Variants in LDLRAP1 observed in about 807,000 individuals in gnomAD.
LDLRAP1 encodes low density lipoprotein receptor adaptor protein 1.
Under a neutral mutation model 37.8 loss-of-function variants are expected in LDLRAP1, and 30 were observed. The ratio of observed to expected loss-of-function variants is 0.79; its 90% CI spans 0.59 to 1.08. The LOEUF (loss-of-function observed/expected upper bound fraction) is 1.08. LDLRAP1 is among the 50% of genes least tolerant of loss of function. The pLI is 0.00. For missense variants in LDLRAP1, 375 were observed against 401.6 expected, an observed-to-expected ratio of 0.93 and a Z score of 0.57; for synonymous variants, 156 against 169.8, an observed-to-expected ratio of 0.92 and a Z score of 0.63.
intron 1 of LDLRAP1, among the ~76,000 whole-genome samples, chr1:25,549,689 C>A (rs1191916812): frequency 6.6e-6 from 1 of 152,222 alleles, no homozygotes; most frequent in East Asian, 1.9e-4. Flanking sequence ...TCTGGGAGCA[C>A]CTCCTGAAGC....
chr1:25,553,008 T>C (rs951493434), intron 1 of LDLRAP1, among the ~76,000 whole-genome samples: 1 of 152,146 alleles, frequency 6.6e-6, no homozygotes, highest in Non-Finnish European at 1.5e-5. Flanking sequence ...TCGAACCTTC[T>C]CCGATTTGGG....
At chr1:25,573,658 C>G (rs1419160615), downstream of LDLRAP1, among the ~76,000 whole-genome samples, 1 of 152,202 alleles carries the variant, frequency 6.6e-6, no homozygotes, top group African/African-American at 2.4e-5. Flanking sequence ...GAAAACCTGG[C>G]TGCCACACCT....
At chr1:25,557,345 T>C in intron 4 of LDLRAP1, 78 bp downstream of exon 4, 1 of 1,146,500 alleles carries the variant, frequency 8.7e-7, no homozygotes, top group Non-Finnish European at 1.3e-6. Context: ...CTGTCTGGTG[T>C]GGGAGGCAGG....
At chr1:25,586,423 C>T in the LDLRAP1 span, among the ~76,000 whole-genome samples, 2 of 152,272 alleles carry the variant, frequency 1.3e-5, no homozygotes, top group South Asian at 2.1e-4. This position sits in a 1 kb window ranked among gnomAD's most constrained non-coding sequence, Gnocchi z 4.3. Flanking sequence ...CAGACACCAG[C>T]GTCCATCAGG....
intron 1 of LDLRAP1, among the ~76,000 whole-genome samples, chr1:25,551,378 TA>T (rs1276463176): frequency 1.3e-5 from 2 of 152,200 alleles, no homozygotes; most frequent in East Asian, 3.8e-4. Context: ...GATAAAGTAG[TA>T]TGGTCTCATG....
intron 4 of LDLRAP1, 110 bp downstream of exon 4, chr1:25,557,377 A>G: frequency 1.2e-6 from 1 of 829,074 alleles, no homozygotes; most frequent in Non-Finnish European, 2.0e-6. Flanking sequence ...ACCATTACTT[A>G]AGAAGAGGGT....
chr1:25,550,610 A>G (rs1481562530), intron 1 of LDLRAP1, among the ~76,000 whole-genome samples: 2 of 152,312 alleles, frequency 1.3e-5, no homozygotes, highest in South Asian at 4.1e-4. Flanking sequence ...ATTCCCTCAC[A>G]GTCACTGGTC....
intron 4 of LDLRAP1, among the ~76,000 whole-genome samples, chr1:25,559,056 G>A (rs1016172776): frequency 6.6e-6 from 1 of 152,200 alleles, no homozygotes; most frequent in African/African-American, 2.4e-5. Flanking sequence ...TGAACACCTT[G>A]TTTCTTTCCT....
chr1:25,566,141 T>G (rs909384379), intron 8 of LDLRAP1, among the ~76,000 whole-genome samples: 47 of 152,198 alleles, frequency 3.1e-4, no homozygotes, highest in Non-Finnish European at 5.9e-4. Context: ...ATTAACAATT[T>G]TGAAAATCAG....
At chr1:25,550,895 C>G (rs553042295) in intron 1 of LDLRAP1, among the ~76,000 whole-genome samples, 1 of 152,068 alleles carries the variant, frequency 6.6e-6, no homozygotes, top group Admixed American at 6.5e-5. Context: ...GCAGAGAGAT[C>G]ACCAGTGACC....
At chr1:25,575,868 T>G in the LDLRAP1 span, among the ~76,000 whole-genome samples, 1 of 152,178 alleles carries the variant, frequency 6.6e-6, no homozygotes, top group Non-Finnish European at 1.5e-5. Context: ...ATGGCATGAC[T>G]TGCCCATGGT....
Position 25,553,452 on chromosome 1 carries a change from T to A in LDLRAP1, c.89-470T>A, listed in dbSNP as rs2044122839. The A allele has an allele frequency of 1.2e-5, 2 of 167,390 alleles. 1 individual carries two copies. The highest frequency in any genetic ancestry group is 2.9e-4 in the South Asian group (2 of 6,798). The allele number at this position is 167,390 out of a possible 1,614,324, so 10.4% of individuals were successfully genotyped here. ...GTCTTTGTCTGTCAATGGGTTTGATTAAAGCGTTGACCTCATAGGTTCTTA... is the reference window on the plus strand; with the variant it reads ...GTCTTTGTCTGTCAATGGGTTTGATAAAAGCGTTGACCTCATAGGTTCTTA... On this transcript the variant is annotated intron_variant, in intron 1 of 8. Transcript: ENST00000374338.
At position 25,562,664 on chromosome 1, in the gene LDLRAP1, C is replaced by T. The variant is rs1057515463; in HGVS notation, c.480C>T (p.Thr160=). ...TTCAGGCACAGGCTGTTACCCTCAC[C>T]GTAGCCCAGGCCTTCAAAGTCGCCT... is the stretch of plus-strand genomic sequence containing the variant. ...KRKMAQAVTL[T]VAQAFKVAFE... is the part of the protein sequence containing the mutation. The change falls in exon 5 of 9, where the codon ACC becomes ACT. Residue 160 remains threonine, a synonymous_variant. Coordinates refer to ENST00000374338, the MANE Select transcript of LDLRAP1 (RefSeq NM_015627.3). 1.2e-5 allele frequency: 19 copies of T among 1,614,058 alleles called. No homozygotes were observed. The East Asian group carries it at 2.2e-4, about 19-fold the overall frequency.
At chr1:25,551,004 GA>G (rs1197840441) in intron 1 of LDLRAP1, among the ~76,000 whole-genome samples, 5 of 152,164 alleles carry the variant, frequency 3.3e-5, no homozygotes, top group Non-Finnish European at 7.3e-5. Flanking sequence ...ATGGGGACAT[GA>G]AAATGGGGGC....
At chr1:25,547,689 G>A (rs1013581283) in intron 1 of LDLRAP1, among the ~76,000 whole-genome samples, 20 of 152,022 alleles carry the variant, frequency 1.3e-4, no homozygotes, top group East Asian at 1.9e-4. Flanking sequence ...CCCAGTCTGC[G>A]CCAGCCTCAG....
Position 25,567,498 on chromosome 1 carries a change from C to A in LDLRAP1, c.*506C>A. 3.9e-6 allele frequency: 1 copy of A among 255,272 alleles called. No individual in the cohort carries two copies. The highest frequency in any genetic ancestry group is 4.1e-5 in the South Asian group (1 of 24,392). 15.8% of individuals were successfully genotyped at this position (255,272 alleles called of 1,614,324 possible). On this transcript the variant is annotated 3_prime_UTR_variant, in exon 9 of 9. Transcript: ENST00000374338. ...CAGCCGCAGAAGGGGAATGTGTCCT[C>A]CTGCTCTGCTTCCTCAGGGCCCAGC...
chr1:25,562,232 A>G (rs2044359050), intron 4 of LDLRAP1, among the ~76,000 whole-genome samples: 1 of 152,178 alleles, frequency 6.6e-6, no homozygotes, highest in Non-Finnish European at 1.5e-5. Context: ...CTCCAATTCC[A>G]AGGGCTAAGT....
rs138988912 is a variant in LDLRAP1, at chr1:25,567,009, G to A, written c.*17G>A. ...AGCTTCTGAGGGCCCGGGGCCAGCC[G>A]GACACAAGCGGCCCTGACACGTGAT... On this transcript the variant is annotated 3_prime_UTR_variant, in exon 9 of 9. Transcript: ENST00000374338. 2.0e-5 allele frequency: 33 copies of A among 1,613,040 alleles called. No individual in the cohort carries two copies. Among genetic ancestry groups the A allele is most frequent in the Non-Finnish European group, 2.5e-5 (30 of 1,179,988 alleles).
At chr1:25,549,081 T>A (rs567918965) in intron 1 of LDLRAP1, among the ~76,000 whole-genome samples, 134 of 152,338 alleles carry the variant, frequency 8.8e-4, no homozygotes, top group African/African-American at 3.1e-3. Flanking sequence ...CTGCTGCAAT[T>A]TGTCATTTTA....
Sources: gnomAD v4.1 joint callset for allele counts (sites outside exome capture counted in the v4.1 genomes callset) on GRCh38, gnomAD v4.1.1 for gene constraint, Gnocchi (gnomAD v3.1) non-coding constraint, MANE v1.5 for transcripts, NCBI Gene and HGNC (gene_info 2026-07-23, HGNC 2026-07-21) for gene names.